PARP12: variants seen among roughly 807,000 people sequenced by gnomAD.
PARP12 encodes the protein protein mono-ADP-ribosyltransferase PARP12.
In PARP12, 59 loss-of-function variants were observed where a neutral mutation model predicts 72.4. The observed-to-expected ratio is 0.81, with a 90% CI of 0.66 to 1.01. The LOEUF is 1.01. PARP12 is among the 50% of genes least tolerant of loss of function. The probability of loss-of-function intolerance (pLI) is 0.00; values close to 1 mark genes in which losing one functional copy is unlikely to be tolerated. For missense variants in PARP12, 851 were observed against 914.0 expected (o/e 0.93, Z 0.89); for synonymous variants, 403 against 371.4 (o/e 1.09, Z -0.98).
intron 5 of PARP12, 54 bp downstream of exon 5, chr7:140,046,830 G>GTA: frequency 6.4e-7 from 1 of 1,551,432 alleles, no homozygotes; most frequent in East Asian, 2.3e-5. Context: ...GTGTGTGTGT[G>GTA]TGTCACACAC....
At chr7:140,051,552 A>G (rs12666816) in intron 4 of PARP12, among the ~76,000 whole-genome samples, 80,811 of 151,860 alleles carry the variant, frequency 0.53, 23,951 homozygotes, top group African/African-American at 0.8. Flanking sequence ...CACCACACCC[A>G]GCTAATTTTT....
chr7:140,034,128 C>A, intron 8 of PARP12, 107 bp downstream of exon 8: 1 of 1,444,756 alleles, frequency 6.9e-7, no homozygotes, highest in Non-Finnish European at 9.2e-7. Context: ...CTTCGTTGTA[C>A]AAGCCAACGG....
At chr7:140,043,574 C>T (rs1396006925) in intron 5 of PARP12, among the ~76,000 whole-genome samples, 1 of 152,038 alleles carries the variant, frequency 6.6e-6, no homozygotes, top group Non-Finnish European at 1.5e-5. Context: ...GTCACCCAGG[C>T]TGGAGTGCAG....
chr7:140,026,352 GAATC>G lies in PARP12; in HGVS notation c.1629-8_1629-5del. 4.4e-6 allele frequency: 7 copies of G among 1,607,296 alleles called. No homozygotes were observed. Among genetic ancestry groups the G allele is most frequent in the Non-Finnish European group, 5.9e-6 (7 of 1,178,566 alleles). On this transcript the variant is annotated splice_region_variant and splice_polypyrimidine_tract_variant and intron_variant, in intron 10 of 11. Coordinates refer to ENST00000263549, the MANE Select transcript of PARP12 (RefSeq NM_022750.4). Reference sequence around the variant, plus strand: ...CTTCTGCATCTGTCCTTTTTGCCTAGAATCACAGAAGAATGTGTGCTGGGGGCAG... The same window carrying G: ...CTTCTGCATCTGTCCTTTTTGCCTAGACAGAAGAATGTGTGCTGGGGGCAG...
intron 4 of PARP12, among the ~76,000 whole-genome samples, chr7:140,050,496 A>G (rs1435673355): frequency 6.6e-6 from 1 of 152,196 alleles, no homozygotes; most frequent in Non-Finnish European, 1.5e-5. Context: ...CATCACTAGA[A>G]TGAGGGCCTG....
rs1817262171 is a variant in PARP12, at chr7:140,058,043, A to C, written c.327-9T>G. 1.9e-6 allele frequency: 3 copies of C among 1,614,052 alleles called. No individual in the cohort carries two copies. The highest frequency in any genetic ancestry group is 1.7e-5 in the Admixed American group (1 of 60,014). On this transcript the variant is annotated splice_polypyrimidine_tract_variant and intron_variant, in intron 1 of 11. Transcript: ENST00000263549. ...TATTCCTACAGTTCTTCCTGCAAAG[A>C]AGCAGAGCTGGTGTTATATGTCGAA...
chr7:140,062,504 C>A lies in PARP12; in HGVS notation c.326+18G>T, dbSNP rs1241451854. 13 of 1,532,330 alleles carry A rather than the reference C, an allele frequency of 8.5e-6. No homozygotes were observed. The highest frequency in any genetic ancestry group is 1.4e-5 in the African/African-American group (1 of 71,964). The allele number at this position is 1,532,330 out of a possible 1,614,324, so 94.9% of individuals were successfully genotyped here. On this transcript the variant is annotated intron_variant, in intron 1 of 11. Coordinates refer to ENST00000263549, the MANE Select transcript of PARP12 (RefSeq NM_022750.4). ...CGCAGGACCTCCGCCCGCCGTCGCT[C>A]CCGGCGCGGCGCCTTACCCGGCTCT...
chr7:140,062,629 G>A lies in PARP12; in HGVS notation c.219C>T (p.Arg73=), dbSNP rs1180856932. 6.7e-6 allele frequency: 10 copies of A among 1,486,072 alleles called. No individual in the cohort carries two copies. Among genetic ancestry groups the A allele is most frequent in the East Asian group, 2.9e-5 (1 of 35,068 alleles). 92.1% of individuals were successfully genotyped at this position (1,486,072 alleles called of 1,614,324 possible). The change falls in exon 1 of 12, where the codon CGC becomes CGT. Residue 73 remains arginine (R), a synonymous_variant. Coordinates refer to ENST00000263549, the MANE Select transcript of PARP12 (RefSeq NM_022750.4). Reference sequence around the variant, plus strand: ...TGGAGCCCTGGTGCGCGCGACACAGGCGCAGCGGCGAGGCGGCCAGCACCA... The same window carrying A: ...TGGAGCCCTGGTGCGCGCGACACAGACGCAGCGGCGAGGCGGCCAGCACCA... ...ERVVLAASPL[R]LCRAHQGSKP...
intron 7 of PARP12, among the ~76,000 whole-genome samples, chr7:140,036,289 G>A (rs1232219957): frequency 6.6e-6 from 1 of 152,184 alleles, no homozygotes; most frequent in Non-Finnish European, 1.5e-5. Flanking sequence ...CCAGATTGCT[G>A]TCAGCAGCAG....
intron 4 of PARP12, among the ~76,000 whole-genome samples, chr7:140,052,900 C>T (rs1158728025): frequency 2.0e-5 from 3 of 152,108 alleles, no homozygotes. Context: ...ATTAAAACCA[C>T]GAGACATCAT....
intron 6 of PARP12, chr7:140,038,240 C>G: frequency 1.0e-6 from 1 of 985,432 alleles, no homozygotes; most frequent in Non-Finnish European, 1.2e-6. Context: ...TGGTCTTACC[C>G]GTCTATTCAC....
At chr7:140,037,932 A>G in intron 6 of PARP12, 76 bp from the exon 7 acceptor site, 1 of 1,552,238 alleles carries the variant, frequency 6.4e-7, no homozygotes, top group East Asian at 2.3e-5. Context: ...CACCCACGCC[A>G]CATTTCAGAG....
At chr7:140,057,187 G>A (rs1817222280) in intron 2 of PARP12, 34 bp from the exon 3 acceptor site, 1 of 1,588,498 alleles carries the variant, frequency 6.3e-7, no homozygotes, top group Non-Finnish European at 8.6e-7. Flanking sequence ...CACCAGTTCA[G>A]GAAGGTCTCA....
intron 1 of PARP12, among the ~76,000 whole-genome samples, chr7:140,058,444 G>C (rs183666283): frequency 1.3e-5 from 2 of 151,942 alleles, no homozygotes; most frequent in African/African-American, 4.8e-5. Context: ...CCGAGAGGCG[G>C]AGCTTGCAGT....
intron 8 of PARP12, chr7:140,033,228 G>C: frequency 1.0e-6 from 1 of 985,364 alleles, no homozygotes; most frequent in Non-Finnish European, 1.2e-6. Flanking sequence ...GAAAAAGTAA[G>C]GCACATTCCC....
At chr7:140,052,960 G>A (rs1817023945) in intron 4 of PARP12, among the ~76,000 whole-genome samples, 2 of 152,146 alleles carry the variant, frequency 1.3e-5, no homozygotes, top group South Asian at 4.1e-4. Flanking sequence ...CCAAGTGTTA[G>A]CAAGAATATA....
intron 4 of PARP12, among the ~76,000 whole-genome samples, chr7:140,048,858 G>A (rs192565149): frequency 6.9e-4 from 105 of 152,284 alleles, no homozygotes; most frequent in African/African-American, 2.3e-3. Flanking sequence ...ATACAGTCTC[G>A]ATGAAAGGAT....
intron 3 of PARP12, among the ~76,000 whole-genome samples, chr7:140,055,583 T>G (rs1199501980): frequency 6.6e-6 from 1 of 152,116 alleles, no homozygotes; most frequent in Non-Finnish European, 1.5e-5. Flanking sequence ...ACTCAAAATC[T>G]AGGTCTATGG....
chr7:140,055,993 T>C (rs943786392), intron 3 of PARP12, among the ~76,000 whole-genome samples: 10 of 152,230 alleles, frequency 6.6e-5, no homozygotes, highest in African/African-American at 2.4e-4. Flanking sequence ...ATGTCTCAGC[T>C]TCGCCAAGGA....
Sources: gnomAD v4.1 joint callset for allele counts (sites outside exome capture counted in the v4.1 genomes callset) on GRCh38, gnomAD v4.1.1 for gene constraint, MANE v1.5 for transcripts, NCBI Gene and HGNC (gene_info 2026-07-23, HGNC 2026-07-21) for gene names.